Variants in STXBP6 observed in about 807,000 individuals in gnomAD.
STXBP6 encodes the protein syntaxin binding protein 6, also known as syntaxin-binding protein 6.
In STXBP6, 21 loss-of-function variants were observed where a neutral mutation model predicts 26.9. The ratio of observed to expected loss-of-function variants is 0.78; its 90% CI spans 0.55 to 1.12. The LOEUF (loss-of-function observed/expected upper bound fraction) is 1.12, where lower values mean the gene tolerates loss of function less well. Among genes scored for constraint, STXBP6 ranks in the 50% most tolerant of loss-of-function variants. The pLI is 0.00. For missense variants in STXBP6, 232 were observed against 257.9 expected (o/e 0.90, Z 0.69); for synonymous variants, 97 against 92.6 (o/e 1.05, Z -0.27).
At chr14:24,829,095 T>G (rs527696909) in intron 4 of STXBP6, among the ~76,000 whole-genome samples, 10 of 152,228 alleles carry the variant, frequency 6.6e-5, no homozygotes, top group South Asian at 2.1e-4. Context: ...ATCAACTGAT[T>G]GCCAACTCAA....
Position 24,812,569 on chromosome 14 carries a change from C to T in STXBP6, c.*140G>A. The T allele has an allele frequency of 1.4e-6, 1 of 734,556 alleles. No homozygotes were observed. The highest frequency in any genetic ancestry group is 2.3e-6 in the Non-Finnish European group (1 of 438,918). The allele number at this position is 734,556 out of a possible 1,614,324, so 45.5% of individuals were successfully genotyped here. ...AACACCCTTTCTTTCACATTAACAT[C>T]TGAAAAGAAAAAACAAAAACCACTC... On this transcript the variant is annotated 3_prime_UTR_variant, in exon 6 of 6. Transcript: ENST00000323944.
At chr14:24,891,488 C>A (rs750302098) in intron 2 of STXBP6, among the ~76,000 whole-genome samples, 8 of 152,158 alleles carry the variant, frequency 5.3e-5, no homozygotes, top group Non-Finnish European at 1.0e-4. Flanking sequence ...ACCATTAATT[C>A]ATTCCCTGTT....
intron 2 of STXBP6, among the ~76,000 whole-genome samples, chr14:24,863,135 T>A (rs1002776318): frequency 1.3e-4 from 20 of 152,280 alleles, no homozygotes; most frequent in African/African-American, 4.8e-4. Context: ...AGTCCTGGAC[T>A]ATTACATTTT....
intron 1 of STXBP6, among the ~76,000 whole-genome samples, chr14:25,033,378 C>T (rs1460901939): frequency 1.3e-5 from 2 of 152,228 alleles, no homozygotes; most frequent in African/African-American, 4.8e-5. Context: ...AACTGGTCCA[C>T]CGTATCTTCT....
At chr14:24,896,157 T>C (rs12888953) in intron 2 of STXBP6, among the ~76,000 whole-genome samples, 51,292 of 151,888 alleles carry the variant, frequency 0.34, 8,780 homozygotes, top group African/African-American at 0.41. Context: ...ATTCTTCGGC[T>C]TTCAAAAGTC....
chr14:25,024,153 CAA>C (rs2075306779), intron 1 of STXBP6, among the ~76,000 whole-genome samples: 1 of 151,556 alleles, frequency 6.6e-6, no homozygotes. Flanking sequence ...ACTAAAAATG[CAA>C]AAAATTAGCC....
At chr14:24,865,817 A>C (rs2069697752) in intron 2 of STXBP6, among the ~76,000 whole-genome samples, 1 of 152,182 alleles carries the variant, frequency 6.6e-6, no homozygotes, top group South Asian at 2.1e-4. Flanking sequence ...AAAAAGTAAA[A>C]TATATAGCAA....
chr14:24,987,610 A>G (rs148895326), intron 1 of STXBP6, among the ~76,000 whole-genome samples: 2 of 152,350 alleles, frequency 1.3e-5, no homozygotes, highest in Non-Finnish European at 2.9e-5. Flanking sequence ...CACACTTGCG[A>G]GAGAGGTATG....
chr14:24,819,311 C>T (rs774170823), intron 4 of STXBP6, 117 bp from the exon 5 acceptor site: 24 of 1,167,342 alleles, frequency 2.1e-5, no homozygotes, highest in Middle Eastern at 1.9e-4. Flanking sequence ...AAAGGCCGCT[C>T]GTCTAGTGTC....
At chr14:25,031,716 A>G (rs2075458899) in intron 1 of STXBP6, among the ~76,000 whole-genome samples, 3 of 150,692 alleles carry the variant, frequency 2.0e-5, no homozygotes, top group Admixed American at 2.0e-4. Context: ...TCTCCCAAGC[A>G]ATTTTTTTTT....
intron 2 of STXBP6, among the ~76,000 whole-genome samples, chr14:24,928,493 C>G (rs1020739474): frequency 6.6e-6 from 1 of 151,786 alleles, no homozygotes; most frequent in Non-Finnish European, 1.5e-5. Flanking sequence ...TCCATTATTT[C>G]TTTTCCTACT....
intron 2 of STXBP6, among the ~76,000 whole-genome samples, chr14:24,883,875 A>C (rs750821476): frequency 6.6e-6 from 1 of 152,186 alleles, no homozygotes; most frequent in Non-Finnish European, 1.5e-5. Context: ...ACATGTTTTG[A>C]ATTGGAAGTT....
intron 2 of STXBP6, among the ~76,000 whole-genome samples, chr14:24,889,599 C>T (rs555695573): frequency 1.2e-3 from 181 of 150,342 alleles, no homozygotes; most frequent in African/African-American, 4.3e-3. Flanking sequence ...AAAAGAATAC[C>T]CAGAAAAGAA....
intron 2 of STXBP6, among the ~76,000 whole-genome samples, chr14:24,876,359 A>G (rs2070144531): frequency 6.6e-6 from 1 of 152,170 alleles, no homozygotes; most frequent in African/African-American, 2.4e-5. Context: ...TTAAATACAT[A>G]TTTATATTGA....
At chr14:24,814,687 GAATTCT>G in intron 5 of STXBP6, among the ~76,000 whole-genome samples, 3 of 152,194 alleles carry the variant, frequency 2.0e-5, no homozygotes, top group Non-Finnish European at 4.4e-5. Flanking sequence ...TGTTTCCCCA[GAATTCT>G]TATGTTGAAA....
chr14:24,927,832 C>A (rs1312182804), intron 2 of STXBP6, among the ~76,000 whole-genome samples: 1 of 152,148 alleles, frequency 6.6e-6, no homozygotes, highest in Non-Finnish European at 1.5e-5. Flanking sequence ...GAAAATTTCT[C>A]AAACCTTTAT....
At position 24,881,023 on chromosome 14, in the gene STXBP6, AC is replaced by A. The variant is rs554588241; in HGVS notation, c.155-23867del. The stretch of plus-strand genomic sequence containing the variant: ...TGTTTTGAAAGCATTATTCTCACAC[AC>A]TTTTCATTCCTCTACTATCTACTTG... On this transcript the variant is annotated intron_variant, in intron 2 of 5. Coordinates refer to ENST00000323944, the MANE Select transcript of STXBP6 (RefSeq NM_001394410.1). Among the ~76,000 whole-genome samples the A allele has an allele frequency of 1.8e-4, 27 of 152,236 alleles. No homozygotes were observed. In the East Asian group the frequency reaches 5.0e-3, roughly 28 times the overall value.
At chr14:24,943,692 T>C (rs2072882550) in intron 2 of STXBP6, among the ~76,000 whole-genome samples, 1 of 152,200 alleles carries the variant, frequency 6.6e-6, no homozygotes, top group African/African-American at 2.4e-5. Context: ...ATATATTTAA[T>C]AAAATGTACT....
At chr14:24,989,956 G>A (rs569451434) in intron 1 of STXBP6, among the ~76,000 whole-genome samples, 5 of 152,306 alleles carry the variant, frequency 3.3e-5, no homozygotes, top group South Asian at 4.2e-4. Context: ...CAAATGGATC[G>A]TGACAGAACT....
Sources: allele counts gnomAD v4.1 joint callset (sites outside exome capture counted in the v4.1 genomes callset), GRCh38; gene constraint gnomAD v4.1.1; transcripts MANE v1.5; gene names NCBI Gene and HGNC (gene_info 2026-07-23, HGNC 2026-07-21).